LRP1B: variants seen among roughly 807,000 people sequenced by gnomAD.
LRP1B encodes low-density lipoprotein receptor-related protein 1B.
In LRP1B, 217 loss-of-function variants were observed where a neutral mutation model predicts 556.6. That is an observed-to-expected ratio of 0.39 (90% CI 0.35 to 0.44). LRP1B has a LOEUF of 0.44. Ranked by LOEUF, LRP1B falls within the 20% of genes least tolerant of loss-of-function variation. The pLI, the probability that LRP1B is intolerant of heterozygous loss-of-function variation, is 1.00. For missense variants in LRP1B, 5,053 were observed against 5,620.8 expected (o/e 0.90, Z 3.23); for synonymous variants, 2,047 against 1,865.8 (o/e 1.10, Z -2.50).
intron 43 of LRP1B, among the ~76,000 whole-genome samples, chr2:140,542,396 G>T (rs966741086): frequency 2.6e-5 from 4 of 151,962 alleles, no homozygotes; most frequent in African/African-American, 7.3e-5. Flanking sequence ...TAAGATCTAG[G>T]TTCTTTCTTC....
intron 1 of LRP1B, among the ~76,000 whole-genome samples, chr2:142,015,705 G>A (rs1314571725): frequency 6.6e-6 from 1 of 152,022 alleles, no homozygotes; most frequent in Non-Finnish European, 1.5e-5. Context: ...CAAAAAGTGG[G>A]TGAAGGGGCC....
chr2:140,997,683 T>C (rs185541522), intron 15 of LRP1B, among the ~76,000 whole-genome samples: 1 of 152,156 alleles, frequency 6.6e-6, no homozygotes, highest in Non-Finnish European at 1.5e-5. Flanking sequence ...TATCTAATAT[T>C]GAGAAATATT....
chr2:141,262,437 AT>A (rs1489639516), intron 3 of LRP1B, among the ~76,000 whole-genome samples: 8 of 152,140 alleles, frequency 5.3e-5, no homozygotes, highest in Non-Finnish European at 1.0e-4. Context: ...AAAGAAAAAA[AT>A]CTTACATTTC....
intron 1 of LRP1B, among the ~76,000 whole-genome samples, chr2:141,947,317 G>C (rs1300132478): frequency 6.6e-6 from 1 of 151,864 alleles, no homozygotes; most frequent in African/African-American, 2.4e-5. Context: ...CATGCCTGTA[G>C]TCCCAGCTAC....
chr2:141,076,384 T>C (rs1243045456), intron 7 of LRP1B, among the ~76,000 whole-genome samples: 1 of 152,210 alleles, frequency 6.6e-6, no homozygotes, highest in Non-Finnish European at 1.5e-5. Flanking sequence ...CGGGCATTTT[T>C]CTGGCAAGAG....
intron 15 of LRP1B, among the ~76,000 whole-genome samples, chr2:141,004,503 A>G (rs990655163): frequency 3.3e-5 from 5 of 152,010 alleles, no homozygotes; most frequent in Admixed American, 1.3e-4. Flanking sequence ...TGACATTTGG[A>G]CCAGATGTAC....
chr2:141,713,980 G>C (rs1207087304), intron 2 of LRP1B, among the ~76,000 whole-genome samples: 1 of 152,172 alleles, frequency 6.6e-6, no homozygotes, highest in Non-Finnish European at 1.5e-5. Context: ...CTGATTTGCT[G>C]TCTTTTACAC....
intron 2 of LRP1B, among the ~76,000 whole-genome samples, chr2:141,678,648 A>G (rs1387892801): frequency 6.6e-6 from 1 of 152,176 alleles, no homozygotes; most frequent in Non-Finnish European, 1.5e-5. Flanking sequence ...ATTAGTATTC[A>G]GAACACTCAA....
At chr2:140,411,621 G>T (rs974355364) in intron 66 of LRP1B, among the ~76,000 whole-genome samples, 1 of 151,948 alleles carries the variant, frequency 6.6e-6, no homozygotes. Flanking sequence ...CCGCAATTAG[G>T]CAAAGGATTT....
intron 3 of LRP1B, among the ~76,000 whole-genome samples, chr2:141,292,036 G>A (rs954268530): frequency 2.6e-5 from 4 of 152,176 alleles, no homozygotes; most frequent in Admixed American, 6.5e-5. Context: ...ACGAGGCTGC[G>A]CAGCAGCAGG....
chr2:141,922,852 C>T (rs1574495401), intron 1 of LRP1B, among the ~76,000 whole-genome samples: 1 of 152,170 alleles, frequency 6.6e-6, no homozygotes, highest in Non-Finnish European at 1.5e-5. Context: ...GTAATTTCAG[C>T]CCTTTGGGAG....
intron 2 of LRP1B, among the ~76,000 whole-genome samples, chr2:141,776,040 G>A: frequency 6.6e-6 from 1 of 151,848 alleles, no homozygotes; most frequent in Non-Finnish European, 1.5e-5. Context: ...TAGAGACGGG[G>A]TTTCACCATG....
intron 18 of LRP1B, among the ~76,000 whole-genome samples, chr2:140,955,236 C>T (rs1005378184): frequency 5.3e-5 from 8 of 151,816 alleles, no homozygotes; most frequent in African/African-American, 1.9e-4. Context: ...GTTTTAAAAA[C>T]CTCTTAAAAT....
chr2:140,472,840 A>G (rs1218095285), intron 60 of LRP1B, among the ~76,000 whole-genome samples: 1 of 152,060 alleles, frequency 6.6e-6, no homozygotes, highest in African/African-American at 2.4e-5. Context: ...GAAAAGTCTC[A>G]TATGTTTTTT....
chr2:141,117,939 T>C (rs1700947069), intron 7 of LRP1B, among the ~76,000 whole-genome samples: 1 of 152,006 alleles, frequency 6.6e-6, no homozygotes, highest in Admixed American at 6.6e-5. Flanking sequence ...CTCTTTCATA[T>C]AACTCATCAT....
At chr2:140,342,851 G>GA (rs1164324628) in intron 77 of LRP1B, among the ~76,000 whole-genome samples, 5 of 151,554 alleles carry the variant, frequency 3.3e-5, no homozygotes, top group African/African-American at 9.7e-5. Context: ...AGAAAGAATA[G>GA]AAAATGTGTG....
At chr2:140,403,518 G>A (rs1271432986) in intron 66 of LRP1B, among the ~76,000 whole-genome samples, 1 of 152,092 alleles carries the variant, frequency 6.6e-6, no homozygotes. Flanking sequence ...ACTAGTAGAA[G>A]AAGGAACTTC....
At chr2:140,691,132 CT>C (rs1410324079) in intron 41 of LRP1B, among the ~76,000 whole-genome samples, 1 of 152,070 alleles carries the variant, frequency 6.6e-6, no homozygotes, top group Non-Finnish European at 1.5e-5. Flanking sequence ...GCACATAGCC[CT>C]TTTAACAGAA....
intron 7 of LRP1B, among the ~76,000 whole-genome samples, chr2:141,165,610 T>C (rs1249725551): frequency 6.6e-6 from 1 of 151,950 alleles, no homozygotes; most frequent in Admixed American, 6.6e-5. Context: ...CTCATCCTTA[T>C]CATCATTCTC....
Sources: allele counts gnomAD v4.1 joint callset (sites outside exome capture counted in the v4.1 genomes callset), GRCh38; gene constraint gnomAD v4.1.1; transcripts MANE v1.5; gene names NCBI Gene and HGNC (gene_info 2026-07-23, HGNC 2026-07-21).